Variants in SLC9A9 observed in about 807,000 individuals in gnomAD.
The protein encoded by SLC9A9 is sodium/hydrogen exchanger 9.
SLC9A9 carries 62 observed loss-of-function variants against 77.8 expected under a neutral mutation model. The observed-to-expected ratio is 0.80, with a 90% confidence interval of 0.65 to 0.98. The LOEUF (loss-of-function observed/expected upper bound fraction) is 0.98. SLC9A9 is among the 50% of genes least tolerant of loss of function. The probability of loss-of-function intolerance (pLI) is 0.00; values close to 1 mark genes in which losing one functional copy is unlikely to be tolerated. For missense variants in SLC9A9, 775 were observed against 774.9 expected (o/e 1.00, Z 0.00); for synonymous variants, 320 against 283.5 (o/e 1.13, Z -1.29).
At chr3:143,717,280 T>C (rs1171743116) in intron 4 of SLC9A9, among the ~76,000 whole-genome samples, 1 of 152,230 alleles carries the variant, frequency 6.6e-6, no homozygotes, top group Non-Finnish European at 1.5e-5. Context: ...ACCATGTTGC[T>C]GGTCACTGGA....
At chr3:143,573,920 A>AT in intron 8 of SLC9A9, among the ~76,000 whole-genome samples, 168 bp downstream of exon 8, 1 of 152,228 alleles carries the variant, frequency 6.6e-6, no homozygotes, top group South Asian at 2.1e-4. Flanking sequence ...AATTACTATT[A>AT]TTTTTTCTCT....
chr3:143,428,739 G>T (rs1042354989), intron 12 of SLC9A9, among the ~76,000 whole-genome samples: 1 of 151,978 alleles, frequency 6.6e-6, no homozygotes, highest in Non-Finnish European at 1.5e-5. Flanking sequence ...ACACACACAC[G>T]AATATTAACC....
chr3:143,517,909 C>T lies in SLC9A9; in HGVS notation c.1090-22461G>A, dbSNP rs1407187190. 22 of 1,512,002 alleles carry T rather than the reference C, an allele frequency of 1.5e-5. No individual in the cohort carries two copies. The East Asian group carries it at 1.8e-4, about 12-fold the overall frequency. 93.7% of individuals were successfully genotyped at this position (1,512,002 alleles called of 1,614,324 possible). A position where few individuals can be genotyped will look rare whatever the true frequency, so the allele number is the denominator to read the frequency against. ...CATTTGCCTGATCCATCATCTCCTCCGTTATCTCCGCATTTTCATCTCCCA... is the reference window on the plus strand; with the variant it reads ...CATTTGCCTGATCCATCATCTCCTCTGTTATCTCCGCATTTTCATCTCCCA... On this transcript the variant is annotated intron_variant, in intron 9 of 15. Coordinates refer to ENST00000316549, the MANE Select transcript of SLC9A9 (RefSeq NM_173653.4).
Position 143,795,042 on chromosome 3 carries a change from C to T in SLC9A9, c.492G>A (p.Thr164=), listed in dbSNP as rs138955013. The T allele has an allele frequency of 2.9e-5, 46 of 1,613,492 alleles. No individual in the cohort carries two copies. Among genetic ancestry groups the T allele is most frequent in the South Asian group, 2.6e-4 (24 of 91,068 alleles). The change falls in exon 4 of 16, where the codon ACG becomes ACA. Residue 164 remains threonine, a synonymous_variant. Transcript: ENST00000316549. ...AGATGGCAGTTCCCAAGAAGGCATACGTTAAAATAGATCCTAAGTTTTGAA... is the reference window on the plus strand; with the variant it reads ...AGATGGCAGTTCCCAAGAAGGCATATGTTAAAATAGATCCTAAGTTTTGAA... The part of the protein sequence containing the change: ...HFFQNLGSIL[T]YAFLGTAISC...
chr3:143,289,000 A>G (rs986745457), intron 14 of SLC9A9, among the ~76,000 whole-genome samples: 6 of 152,196 alleles, frequency 3.9e-5, no homozygotes, highest in Admixed American at 6.5e-5. Context: ...GTGAACAGAC[A>G]TGGCTGGTGG....
intron 6 of SLC9A9, among the ~76,000 whole-genome samples, chr3:143,628,880 T>G (rs1044224275): frequency 6.6e-6 from 1 of 152,134 alleles, no homozygotes; most frequent in Non-Finnish European, 1.5e-5. Context: ...TTCTATTTTC[T>G]CCCAGATTAA....
intron 12 of SLC9A9, among the ~76,000 whole-genome samples, chr3:143,456,867 C>T (rs781085181): frequency 1.3e-5 from 2 of 152,048 alleles, no homozygotes; most frequent in Non-Finnish European, 2.9e-5. Context: ...CTGGCCAATT[C>T]TATATTTTTA....
intron 4 of SLC9A9, among the ~76,000 whole-genome samples, chr3:143,737,163 C>A (rs1452408978): frequency 6.6e-6 from 1 of 152,258 alleles, no homozygotes; most frequent in East Asian, 1.9e-4. Flanking sequence ...CTTTCTAGAT[C>A]TCTTTCGTCA....
In SLC9A9 at chr3:143,595,220, G is replaced by A. The variant is rs116228831; in HGVS notation, c.756-16497C>T. On this transcript the variant is annotated intron_variant, in intron 6 of 15. Coordinates refer to ENST00000316549, the MANE Select transcript of SLC9A9 (RefSeq NM_173653.4). Reference sequence around the variant, plus strand: ...TAGTGGATTTGGCCCTCTTTGCTGAGCTGTTGGGGAGATCCTCCCACAAAA... The same window carrying A: ...TAGTGGATTTGGCCCTCTTTGCTGAACTGTTGGGGAGATCCTCCCACAAAA... Among the ~76,000 whole-genome samples, 1,040 of 152,330 alleles carry A rather than the reference G, an allele frequency of 6.8e-3. 13 individuals carry two copies. The highest frequency in any genetic ancestry group is 0.023 in the African/African-American group (944 of 41,570).
intron 6 of SLC9A9, among the ~76,000 whole-genome samples, chr3:143,646,032 A>G (rs1007493829): frequency 5.3e-5 from 8 of 152,088 alleles, no homozygotes; most frequent in African/African-American, 1.9e-4. Flanking sequence ...CTCTTCTATC[A>G]TGGGTAGCAA....
intron 7 of SLC9A9, among the ~76,000 whole-genome samples, chr3:143,578,254 T>C (rs577458928): frequency 1.2e-3 from 187 of 152,230 alleles, no homozygotes; most frequent in Non-Finnish European, 2.4e-3. Flanking sequence ...GTTCTTCCTC[T>C]TGACCCTAGT....
At chr3:143,376,809 T>G (rs1029747795) in intron 13 of SLC9A9, among the ~76,000 whole-genome samples, 4 of 152,232 alleles carry the variant, frequency 2.6e-5, no homozygotes, top group Non-Finnish European at 5.9e-5. Flanking sequence ...ATGTTTATTT[T>G]ATTTTTCTCA....
intron 6 of SLC9A9, among the ~76,000 whole-genome samples, chr3:143,587,140 C>T (rs765389888): frequency 3.9e-5 from 6 of 152,256 alleles, no homozygotes; most frequent in East Asian, 1.9e-4. Context: ...ATGGCTTCCT[C>T]GGGAATAACG....
At chr3:143,451,649 G>C (rs2035008724) in intron 12 of SLC9A9, among the ~76,000 whole-genome samples, 1 of 152,074 alleles carries the variant, frequency 6.6e-6, no homozygotes, top group African/African-American at 2.4e-5. Context: ...GAGAAAAGGG[G>C]AAGTTCCCCC....
At chr3:143,526,855 C>A (rs2036416265) in intron 9 of SLC9A9, among the ~76,000 whole-genome samples, 1 of 152,142 alleles carries the variant, frequency 6.6e-6, no homozygotes, top group Non-Finnish European at 1.5e-5. Context: ...AGTCTTAGGG[C>A]AAAGTATATG....
intron 14 of SLC9A9, among the ~76,000 whole-genome samples, chr3:143,282,897 A>G (rs144267019): frequency 8.5e-5 from 13 of 152,372 alleles, no homozygotes; most frequent in Admixed American, 2.6e-4. Context: ...TACTGGATCC[A>G]GGACCCAATT....
chr3:143,679,451 G>A (rs1933009782), intron 5 of SLC9A9, among the ~76,000 whole-genome samples: 1 of 152,156 alleles, frequency 6.6e-6, no homozygotes, highest in Non-Finnish European at 1.5e-5. Context: ...TCTCAACCTT[G>A]GCACTATTGA....
chr3:143,350,455 A>C (rs1338072118), intron 14 of SLC9A9, among the ~76,000 whole-genome samples: 1 of 152,100 alleles, frequency 6.6e-6, no homozygotes, highest in African/African-American at 2.4e-5. Context: ...ATCTTTTCAG[A>C]TTTCCGTGAA....
intron 2 of SLC9A9, among the ~76,000 whole-genome samples, chr3:143,801,951 G>C (rs2008573736): frequency 2.6e-5 from 4 of 152,124 alleles, no homozygotes; most frequent in Admixed American, 2.6e-4. Flanking sequence ...TCTTCTCAAG[G>C]CCGCTTTACT....
Sources: allele counts gnomAD v4.1 joint callset (sites outside exome capture counted in the v4.1 genomes callset), GRCh38; gene constraint gnomAD v4.1.1; transcripts MANE v1.5; gene names NCBI Gene and HGNC (gene_info 2026-07-23, HGNC 2026-07-21).